The following ZNF277 variants were observed in gnomAD, a reference collection of about 807,000 sequenced individuals.
The protein encoded by ZNF277 is zinc finger protein 277, also known as nuclear receptor-interacting factor 4.
A neutral mutation model predicts 60.7 loss-of-function variants in ZNF277; 55 were observed. The observed-to-expected ratio is 0.91, with a 90% CI of 0.73 to 1.13. ZNF277 has a LOEUF of 1.13. ZNF277 is among the 50% of genes most tolerant of loss of function. ZNF277 has a pLI of 0.00. For synonymous variants in ZNF277, 178 were observed against 179.3 expected, an observed-to-expected ratio of 0.99 and a Z score of 0.06; for missense variants, 510 against 523.0, an observed-to-expected ratio of 0.98 and a Z score of 0.24.
chr7:112,335,549 C>A (rs896197976), intron 7 of ZNF277, among the ~76,000 whole-genome samples: 1 of 152,044 alleles, frequency 6.6e-6, no homozygotes, highest in African/African-American at 2.4e-5. Flanking sequence ...CCTACTCATG[C>A]CTAGTACTAT....
At chr7:112,297,157 GACCTCAT>G (rs1009998976) in intron 4 of ZNF277, among the ~76,000 whole-genome samples, 5 of 151,540 alleles carry the variant, frequency 3.3e-5, no homozygotes, top group Admixed American at 2.6e-4. Context: ...TCGATCTCCT[GACCTCAT>G]GATCTGCCCA....
At chr7:112,281,087 C>T (rs1161713375) in intron 1 of ZNF277, among the ~76,000 whole-genome samples, 1 of 152,216 alleles carries the variant, frequency 6.6e-6, no homozygotes, top group Non-Finnish European at 1.5e-5. Context: ...ATAAGCCTTG[C>T]CGCAAGGCCA....
intron 3 of ZNF277, 62 bp downstream of exon 3, chr7:112,296,019 T>C: frequency 8.0e-7 from 1 of 1,247,016 alleles, no homozygotes; most frequent in Non-Finnish European, 1.2e-6. Context: ...GGAATAATCT[T>C]ACTGTCTTAT....
At chr7:112,301,229 C>T (rs559620689) in intron 4 of ZNF277, among the ~76,000 whole-genome samples, 1 of 152,118 alleles carries the variant, frequency 6.6e-6, no homozygotes, top group African/African-American at 2.4e-5. Context: ...TCTCGAACTC[C>T]TGGGCTCAAG....
intron 1 of ZNF277, among the ~76,000 whole-genome samples, chr7:112,264,130 C>T (rs2117028746): frequency 6.6e-6 from 1 of 152,142 alleles, no homozygotes; most frequent in South Asian, 2.1e-4. Flanking sequence ...CTTTTCTAAG[C>T]AAAAGTGTAG....
chr7:112,268,874 CAGTT>C (rs1791604450), intron 1 of ZNF277, among the ~76,000 whole-genome samples: 1 of 152,072 alleles, frequency 6.6e-6, no homozygotes, highest in Non-Finnish European at 1.5e-5. Context: ...GATAAACAGT[CAGTT>C]GGGCATTTTG....
At chr7:112,277,521 C>G (rs892527523) in intron 1 of ZNF277, among the ~76,000 whole-genome samples, 5 of 152,180 alleles carry the variant, frequency 3.3e-5, no homozygotes, top group Admixed American at 2.6e-4. Context: ...TTAAGAACAT[C>G]TGCATAAATT....
chr7:112,272,317 ATTCC>A, intron 1 of ZNF277, among the ~76,000 whole-genome samples: 1 of 152,110 alleles, frequency 6.6e-6, no homozygotes, highest in East Asian at 1.9e-4. Context: ...CATTTTCTTT[ATTCC>A]TTCATTGACA....
rs183754739 is a variant in ZNF277, at chr7:112,320,733, C to A, written c.557+2460C>A. 5.3e-5 allele frequency among the ~76,000 whole-genome samples: 8 copies of A among 151,982 alleles called. No individual in the cohort carries two copies. The East Asian group carries it at 1.5e-3, about 29-fold the overall frequency. Reference sequence around the variant, plus strand: ...TTTTTATCCATTCTGCCAGTCTTCACCTTTTCATTGTAGTACTTAATTCGT... The same window carrying A: ...TTTTTATCCATTCTGCCAGTCTTCAACTTTTCATTGTAGTACTTAATTCGT... On this transcript the variant is annotated intron_variant, in intron 5 of 11. Transcript: ENST00000361822.
At chr7:112,250,827 A>G (rs1406163951) in intron 1 of ZNF277, among the ~76,000 whole-genome samples, 1 of 152,182 alleles carries the variant, frequency 6.6e-6, no homozygotes, top group East Asian at 1.9e-4. Flanking sequence ...TGTTGGTGTG[A>G]GTTGCAAAAT....
intron 11 of ZNF277, among the ~76,000 whole-genome samples, chr7:112,341,371 CT>C (rs1278445580): frequency 6.6e-6 from 1 of 152,122 alleles, no homozygotes; most frequent in Admixed American, 6.6e-5. Context: ...CAGTATCCAT[CT>C]GTTGCATCCT....
intron 4 of ZNF277, among the ~76,000 whole-genome samples, chr7:112,310,221 A>G (rs907361782): frequency 2.6e-5 from 4 of 152,060 alleles, no homozygotes; most frequent in African/African-American, 9.7e-5. Context: ...TGGCATGGCC[A>G]GTTCCCATCC....
At chr7:112,283,312 A>C (rs1791988892) in intron 1 of ZNF277, among the ~76,000 whole-genome samples, 1 of 152,164 alleles carries the variant, frequency 6.6e-6, no homozygotes, top group African/African-American at 2.4e-5. Context: ...AGGCTCACTT[A>C]AGGTCAGGAA....
chr7:112,341,826 A>T (rs1293959219), intron 11 of ZNF277, among the ~76,000 whole-genome samples: 1 of 152,196 alleles, frequency 6.6e-6, no homozygotes, highest in Non-Finnish European at 1.5e-5. Context: ...GTTCCCCCAG[A>T]ACTTTAACCA....
At chr7:112,236,068 C>G (rs1478277630) in intron 1 of ZNF277, among the ~76,000 whole-genome samples, 1 of 152,014 alleles carries the variant, frequency 6.6e-6, no homozygotes, top group East Asian at 1.9e-4. Context: ...TACATCTGGA[C>G]TCTGAATTCT....
intron 4 of ZNF277, among the ~76,000 whole-genome samples, chr7:112,302,642 C>T (rs1792503082): frequency 6.6e-6 from 1 of 151,998 alleles, no homozygotes; most frequent in South Asian, 2.1e-4. Context: ...TAATCACAAT[C>T]TAAAACGATA....
In ZNF277 at chr7:112,327,711, T is replaced by A. The variant is rs755187187; in HGVS notation, c.558-6T>A. 1.2e-6 allele frequency: 2 copies of A among 1,608,188 alleles called. No homozygotes were observed. The highest frequency in any genetic ancestry group is 1.7e-6 in the Non-Finnish European group (2 of 1,176,856). On this transcript the variant is annotated splice_polypyrimidine_tract_variant and splice_region_variant and intron_variant, in intron 5 of 11. Coordinates refer to ENST00000361822, the MANE Select transcript of ZNF277 (RefSeq NM_021994.3). ...AATAATCCTAATTGCTCAAATTTCT[T>A]CCTAGATCTGTTATTTTGAACCACA... is the stretch of plus-strand genomic sequence containing the variant.
chr7:112,336,873 G>A lies in ZNF277; in HGVS notation c.869+702G>A, dbSNP rs531476007. Among the ~76,000 whole-genome samples the A allele has an allele frequency of 2.0e-5, 3 of 152,272 alleles. No individual in the cohort carries two copies. In the East Asian group the frequency reaches 5.8e-4, roughly 29 times the overall value. On this transcript the variant is annotated intron_variant, in intron 8 of 11. Coordinates refer to ENST00000361822, the MANE Select transcript of ZNF277 (RefSeq NM_021994.3). ...GAATATTTAATCAGTGAATGTTAAAGTTTTAATGACACAAAAGGTTATAAA... is the reference window on the plus strand; with the variant it reads ...GAATATTTAATCAGTGAATGTTAAAATTTTAATGACACAAAAGGTTATAAA...
intron 11 of ZNF277, 104 bp downstream of exon 11, chr7:112,341,150 AT>A: frequency 8.8e-7 from 1 of 1,139,952 alleles, no homozygotes; most frequent in Non-Finnish European, 1.2e-6. Context: ...ATACATATTT[AT>A]TATAAAAAGT....
Sources: gnomAD v4.1 joint callset for allele counts (sites outside exome capture counted in the v4.1 genomes callset) on GRCh38, gnomAD v4.1.1 for gene constraint, MANE v1.5 for transcripts, NCBI Gene and HGNC (gene_info 2026-07-23, HGNC 2026-07-21) for gene names.